Variants in STK3 observed in about 807,000 individuals in gnomAD.
STK3 encodes the protein serine/threonine-protein kinase 3.
In STK3, 41 loss-of-function variants were observed where a neutral mutation model predicts 58.0. That is an observed-to-expected ratio of 0.71 (90% CI 0.55 to 0.92). The LOEUF (loss-of-function observed/expected upper bound fraction) is 0.92, where lower values mean the gene tolerates loss of function less well. STK3 is among the 40% of genes least tolerant of loss of function. The pLI is 0.00. For synonymous variants in STK3, 170 were observed against 191.0 expected, an observed-to-expected ratio of 0.89 and a Z score of 0.91; for missense variants, 479 against 602.7, an observed-to-expected ratio of 0.79 and a Z score of 2.15.
chr8:98,401,722 T>C (rs1817946101), intron 3 of STK3, among the ~76,000 whole-genome samples: 1 of 152,168 alleles, frequency 6.6e-6, no homozygotes, highest in Non-Finnish European at 1.5e-5. Flanking sequence ...CTTGCTCCCT[T>C]TTCTCCCCTA....
At chr8:98,820,073 CCTTTG>C (rs1834790270) in intron 1 of STK3, among the ~76,000 whole-genome samples, 1 of 152,094 alleles carries the variant, frequency 6.6e-6, no homozygotes, top group East Asian at 1.9e-4. Context: ...CAACCCGATC[CCTTTG>C]CTTTTTCTTT....
downstream of STK3, among the ~76,000 whole-genome samples, chr8:98,401,214 G>T (rs1364043295): frequency 6.6e-6 from 1 of 152,098 alleles, no homozygotes; most frequent in Non-Finnish European, 1.5e-5. Flanking sequence ...AGAAGCCCCA[G>T]GTGCTCCAGC....
chr8:98,786,683 A>C (rs1185802748), intron 1 of STK3, among the ~76,000 whole-genome samples: 1 of 152,242 alleles, frequency 6.6e-6, no homozygotes, highest in Non-Finnish European at 1.5e-5. Context: ...TTCATGATAC[A>C]GAAAGAGAAA....
chr8:98,899,922 G>A (rs566833184), intron 1 of STK3, among the ~76,000 whole-genome samples: 2 of 152,220 alleles, frequency 1.3e-5, no homozygotes, highest in South Asian at 4.2e-4. Context: ...TTAGAAAACT[G>A]TAGGGAGATT....
chr8:98,555,591 G>A (rs913572839), intron 8 of STK3, among the ~76,000 whole-genome samples: 29 of 152,076 alleles, frequency 1.9e-4, no homozygotes, highest in African/African-American at 7.0e-4. Flanking sequence ...GATCTTAATG[G>A]CTTTCATTCA....
intron 1 of STK3, among the ~76,000 whole-genome samples, chr8:98,908,889 C>T (rs922448499): frequency 3.4e-5 from 5 of 144,988 alleles, no homozygotes; most frequent in African/African-American, 1.3e-4. Flanking sequence ...GGAGAGGTGG[C>T]TCATGTCTGT....
chr8:98,386,067 A>G (rs1402636527), intron 1 of STK3, among the ~76,000 whole-genome samples: 8 of 152,206 alleles, frequency 5.3e-5, no homozygotes, highest in Non-Finnish European at 1.0e-4. Flanking sequence ...GTTTGACAAT[A>G]TACTCTGTTA....
At chr8:98,725,731 A>G (rs1274585468) in intron 4 of STK3, among the ~76,000 whole-genome samples, 1 of 152,186 alleles carries the variant, frequency 6.6e-6, no homozygotes, top group Non-Finnish European at 1.5e-5. Context: ...ATTTAAAACT[A>G]AATACCACTT....
chr8:98,752,989 G>T (rs1275516632), intron 3 of STK3, among the ~76,000 whole-genome samples: 2 of 151,444 alleles, frequency 1.3e-5, no homozygotes, highest in African/African-American at 2.4e-5. Flanking sequence ...GAAGAAAAAG[G>T]AATGCTTATA....
intron 1 of STK3, among the ~76,000 whole-genome samples, chr8:98,901,093 A>AT: frequency 6.6e-6 from 1 of 152,136 alleles, no homozygotes; most frequent in Non-Finnish European, 1.5e-5. Context: ...ATTCTGGAAT[A>AT]TTTTTTTCTC....
chr8:98,912,107 C>T (rs971716118), intron 1 of STK3, among the ~76,000 whole-genome samples: 8 of 152,202 alleles, frequency 5.3e-5, no homozygotes, highest in African/African-American at 1.9e-4. Context: ...GGCCGGGCAC[C>T]GTGGCTCATA....
chr8:98,721,200 T>A, intron 4 of STK3: 1 of 808,350 alleles, frequency 1.2e-6, no homozygotes, highest in Non-Finnish European at 1.5e-6. Context: ...TTAAACATTT[T>A]AAAAATACTT....
chr8:98,633,631 C>T, intron 6 of STK3: 1 of 731,358 alleles, frequency 1.4e-6, no homozygotes, highest in Non-Finnish European at 2.6e-6. Context: ...GGTGTTACAG[C>T]AGTGGCGTTT....
At chr8:98,382,348 G>A (rs780012783) in intron 1 of STK3, among the ~76,000 whole-genome samples, 10 of 152,224 alleles carry the variant, frequency 6.6e-5, no homozygotes, top group Non-Finnish European at 1.2e-4. Flanking sequence ...TTTGACGTTT[G>A]CTGATGAGCA....
At chr8:98,744,615 G>T (rs1829506585) in intron 4 of STK3, among the ~76,000 whole-genome samples, 1 of 149,516 alleles carries the variant, frequency 6.7e-6, no homozygotes. Flanking sequence ...ATAGCATTAG[G>T]AGATATACCT....
At chr8:98,614,766 C>A (rs993668003) in intron 6 of STK3, among the ~76,000 whole-genome samples, 4 of 152,172 alleles carry the variant, frequency 2.6e-5, no homozygotes, top group African/African-American at 9.7e-5. Context: ...TAAAAAACGG[C>A]GCACCACGAG....
chr8:98,631,172 G>A (rs1411327241), intron 6 of STK3, among the ~76,000 whole-genome samples: 1 of 152,120 alleles, frequency 6.6e-6, no homozygotes, highest in East Asian at 1.9e-4. Flanking sequence ...CTATTCACCT[G>A]GCTTCCATTC....
intron 3 of STK3, chr8:98,412,922 A>T: frequency 3.8e-6 from 1 of 263,098 alleles, no homozygotes; most frequent in South Asian, 4.4e-5. Flanking sequence ...ACTTTCTTCT[A>T]TAATTTTTCA....
chr8:98,828,942 G>GT (rs1835428336), upstream of STK3, among the ~76,000 whole-genome samples: 1 of 152,202 alleles, frequency 6.6e-6, no homozygotes, highest in Admixed American at 6.5e-5. Flanking sequence ...CTGATAAATC[G>GT]TAAGGGCACT....
Sources: allele counts gnomAD v4.1 joint callset (sites outside exome capture counted in the v4.1 genomes callset), GRCh38; gene constraint gnomAD v4.1.1; transcripts MANE v1.5; gene names NCBI Gene and HGNC (gene_info 2026-07-23, HGNC 2026-07-21).